The following CCM2 variants were observed in gnomAD, a reference collection of about 807,000 sequenced individuals.
CCM2 encodes cerebral cavernous malformations 2 protein.
A neutral mutation model predicts 44.9 loss-of-function variants in CCM2; 25 were observed. The ratio of observed to expected loss-of-function variants is 0.56; its 90% CI spans 0.41 to 0.78. The LOEUF is 0.78. Ranked by LOEUF, CCM2 falls within the 30% of genes least tolerant of loss-of-function variation. The pLI is 0.00. For synonymous variants in CCM2, 219 were observed against 241.1 expected, an observed-to-expected ratio of 0.91 and a Z score of 0.85; for missense variants, 481 against 580.6, an observed-to-expected ratio of 0.83 and a Z score of 1.76.
chr7:45,056,542 C>T, intron 2 of CCM2, among the ~76,000 whole-genome samples: 1 of 152,104 alleles, frequency 6.6e-6, no homozygotes, highest in East Asian at 1.9e-4. Context: ...AGTGGTATTT[C>T]ATTACGGTTT....
In CCM2 at chr7:45,029,183, CTT is replaced by C. The variant is rs951924889; in HGVS notation, c.31-9069_31-9068del. Among the ~76,000 whole-genome samples the C allele has an allele frequency of 9.4e-4, 143 of 152,224 alleles. 2 individuals are homozygous for C. Among genetic ancestry groups the C allele is most frequent in the African/African-American group, 3.3e-3 (139 of 41,540 alleles). On this transcript the variant is annotated intron_variant, in intron 1 of 9. Coordinates refer to ENST00000258781, the MANE Select transcript of CCM2 (RefSeq NM_031443.4). Reference sequence around the variant, plus strand: ...GGTTCCCTGGGGGCAGGGACGGTGGCTTCTACAGCCCCAGTGTCTGGCGCATA... The same window carrying C: ...GGTTCCCTGGGGGCAGGGACGGTGGCCTACAGCCCCAGTGTCTGGCGCATA...
intron 2 of CCM2, among the ~76,000 whole-genome samples, chr7:45,062,691 T>A (rs751687799): frequency 6.6e-6 from 1 of 151,970 alleles, no homozygotes; most frequent in Non-Finnish European, 1.5e-5. Context: ...CCAGGCGTGG[T>A]GACACACACC....
chr7:45,040,212 G>A (rs528002151), intron 2 of CCM2, among the ~76,000 whole-genome samples: 12 of 150,784 alleles, frequency 8.0e-5, no homozygotes, highest in Non-Finnish European at 1.8e-4. Context: ...GTGAAACCCT[G>A]TCTCTACTAA....
At chr7:45,000,020 G>C (rs937713534), upstream of CCM2, among the ~76,000 whole-genome samples, 3 of 152,130 alleles carry the variant, frequency 2.0e-5, no homozygotes, top group Non-Finnish European at 2.9e-5. Flanking sequence ...CCGTGAGCGG[G>C]GCCAACGGGC....
rs60956411 is a variant in CCM2 at position 45,033,044 on chromosome 7, C to CAAAAA, written c.31-5186_31-5182dup. Among the ~76,000 whole-genome samples the CAAAAA allele has an allele frequency of 2.4e-4, 14 of 58,076 alleles. 1 individual carries two copies. The highest frequency in any genetic ancestry group is 7.6e-4 in the African/African-American group (11 of 14,552). The allele number at this position is 58,076 out of a possible 152,430, so 38.1% of individuals were successfully genotyped here. On this transcript the variant is annotated intron_variant, in intron 1 of 9. Transcript: ENST00000258781. ...TGGTGACAAGAGCAAAACTCCGTCT[C>CAAAAA]AAAAAAAAAAAAAAAAAAAAAAAAA...
At chr7:45,006,014 GAC>G (rs1387859323) in intron 1 of CCM2, among the ~76,000 whole-genome samples, 5 of 152,230 alleles carry the variant, frequency 3.3e-5, no homozygotes, top group African/African-American at 9.6e-5. Context: ...AATGGTGTCA[GAC>G]ACAGATGCTG....
At chr7:45,067,285 C>G (rs183127430) in intron 4 of CCM2, among the ~76,000 whole-genome samples, 6 of 150,956 alleles carry the variant, frequency 4.0e-5, no homozygotes, top group Non-Finnish European at 5.9e-5. Context: ...CTCCGCCCCC[C>G]GAGTAGCTGG....
At chr7:45,048,678 G>A (rs905595078) in intron 2 of CCM2, among the ~76,000 whole-genome samples, 5 of 151,922 alleles carry the variant, frequency 3.3e-5, no homozygotes, top group Admixed American at 6.6e-5. Context: ...CAGGAGATTC[G>A]CTTGAACCCA....
chr7:45,011,231 T>C (rs1796054771), intron 1 of CCM2, among the ~76,000 whole-genome samples: 1 of 151,606 alleles, frequency 6.6e-6, no homozygotes, highest in African/African-American at 2.4e-5. Flanking sequence ...AGTCTCACTC[T>C]TGTTGCCCAG....
intron 2 of CCM2, among the ~76,000 whole-genome samples, chr7:45,049,488 T>C (rs772710723): frequency 5.9e-5 from 9 of 152,194 alleles, no homozygotes; most frequent in Non-Finnish European, 4.4e-5. Context: ...CACTGAACAG[T>C]GTATCTTGAT....
chr7:45,007,189 C>T (rs1795880308), intron 1 of CCM2, among the ~76,000 whole-genome samples: 2 of 152,284 alleles, frequency 1.3e-5, no homozygotes, highest in South Asian at 4.1e-4. Flanking sequence ...TCACAGCACA[C>T]TCTTTGTGGT....
intron 1 of CCM2, among the ~76,000 whole-genome samples, chr7:45,032,646 G>C (rs947672262): frequency 2.0e-5 from 3 of 152,126 alleles, no homozygotes; most frequent in Non-Finnish European, 4.4e-5. Flanking sequence ...TAACCAAAGG[G>C]CCTCCCCAGA....
intron 6 of CCM2, chr7:45,071,550 TAGC>T (rs1379253546): frequency 3.1e-5 from 10 of 325,230 alleles, no homozygotes; most frequent in Non-Finnish European, 5.4e-5. Flanking sequence ...TGCCAAAACA[TAGC>T]AGCATAAACA....
At chr7:45,067,806 C>T (rs1007744148) in intron 4 of CCM2, 16 of 156,612 alleles carry the variant, frequency 1.0e-4, no homozygotes, top group African/African-American at 3.9e-4. Context: ...GGCCTGCCCT[C>T]TGACACCCTG....
At chr7:45,010,222 A>G (rs539003566) in intron 1 of CCM2, among the ~76,000 whole-genome samples, 5 of 152,326 alleles carry the variant, frequency 3.3e-5, no homozygotes, top group African/African-American at 9.6e-5. Context: ...AATAATACAC[A>G]TCTTCAGTGA....
At chr7:45,033,256 C>T (rs1264181929) in intron 1 of CCM2, among the ~76,000 whole-genome samples, 1 of 152,010 alleles carries the variant, frequency 6.6e-6, no homozygotes, top group East Asian at 1.9e-4. Context: ...GACGGGGGAG[C>T]GCCAGAGTCC....
At chr7:45,044,326 T>G (rs760790010) in intron 2 of CCM2, among the ~76,000 whole-genome samples, 2 of 152,112 alleles carry the variant, frequency 1.3e-5, no homozygotes, top group Admixed American at 6.5e-5. Context: ...TTAGTAGAGA[T>G]GGGGTTTCAC....
chr7:45,045,392 G>A (rs1797704648), intron 2 of CCM2, among the ~76,000 whole-genome samples: 1 of 150,266 alleles, frequency 6.7e-6, no homozygotes, highest in Non-Finnish European at 1.5e-5. Context: ...TTAAAAAAAT[G>A]TAATCCATCA....
rs141282342 is a variant in CCM2, at chr7:45,053,361, G to A, written c.205-10557G>A. 9.6e-4 allele frequency among the ~76,000 whole-genome samples: 146 copies of A among 152,310 alleles called. No individual in the cohort carries two copies. The East Asian group carries it at 0.022, about 23-fold the overall frequency. On this transcript the variant is annotated intron_variant, in intron 2 of 9. Coordinates refer to ENST00000258781, the MANE Select transcript of CCM2 (RefSeq NM_031443.4). The stretch of plus-strand genomic sequence containing the variant: ...TGAGAGCTGCTCCAGATCTAGAAAC[G>A]GAGTCAGGGATTGATACTTTGCATT...
Sources: gnomAD v4.1 joint callset for allele counts (sites outside exome capture counted in the v4.1 genomes callset) on GRCh38, gnomAD v4.1.1 for gene constraint, MANE v1.5 for transcripts, NCBI Gene and HGNC (gene_info 2026-07-23, HGNC 2026-07-21) for gene names.